Variants in ODF2 observed in about 807,000 individuals in gnomAD.
ODF2 encodes the protein outer dense fiber of sperm tails 2.
In ODF2, 47 loss-of-function variants were observed where a neutral mutation model predicts 110.2. The ratio of observed to expected loss-of-function variants is 0.43; its 90% CI spans 0.34 to 0.54. ODF2 has a LOEUF of 0.54. ODF2 is among the 20% of genes least tolerant of loss of function. The probability of loss-of-function intolerance (pLI) is 0.03; values close to 1 mark genes in which losing one functional copy is unlikely to be tolerated. For synonymous variants in ODF2, 352 were observed against 397.7 expected (o/e 0.89, Z 1.37); for missense variants, 812 against 1,054.5 (o/e 0.77, Z 3.19).
At position 128,471,238 on chromosome 9, in the gene ODF2, T is replaced by C. The variant is rs557798683; in HGVS notation, c.421-70T>C. ...CGGGGCCTTATTTTGGTCCAAAGCA[T>C]TGAGCCTAGCAATGTGGCATAGAGG... On this transcript the variant is annotated intron_variant, in intron 5 of 20. Coordinates refer to ENST00000604420, the Ensembl canonical transcript of ODF2. 35 of 1,476,450 alleles carry C rather than the reference T, an allele frequency of 2.4e-5. No individual in the cohort carries two copies. The East Asian group carries it at 8.6e-4, about 36-fold the overall frequency. 91.5% of individuals were successfully genotyped at this position (1,476,450 alleles called of 1,614,324 possible). A position where few individuals can be genotyped will look rare whatever the true frequency, so the allele number is the denominator to read the frequency against.
chr9:128,474,411 T>A (rs1047209598), intron 8 of ODF2, among the ~76,000 whole-genome samples: 1 of 152,046 alleles, frequency 6.6e-6, no homozygotes, highest in Non-Finnish European at 1.5e-5. Flanking sequence ...GAGAATTGCT[T>A]GAACCTGGGA....
chr9:128,460,513 A>T (rs1836157958), intron 3 of ODF2, 37 bp from the exon 3 acceptor site: 1 of 1,608,498 alleles, frequency 6.2e-7, no homozygotes, highest in African/African-American at 1.3e-5. Context: ...TCATCCACAG[A>T]TCAACCATTT....
intron 4 of ODF2, among the ~76,000 whole-genome samples, chr9:128,465,506 G>T (rs1474000117): frequency 6.6e-6 from 1 of 152,134 alleles, no homozygotes; most frequent in Non-Finnish European, 1.5e-5. Context: ...ACTTTGGGAG[G>T]CCAAGGCAGG....
At position 128,496,461 on chromosome 9, in the gene ODF2, T is replaced by G. The variant is rs984397857; in HGVS notation, c.2012+320T>G. On this transcript the variant is annotated intron_variant, in intron 18 of 20. Coordinates refer to ENST00000604420, the Ensembl canonical transcript of ODF2. ...TTTGAATGGAGCAGCCAGTATACTG[T>G]GGTGGGGGCACTTCCCCACTCTTTT... is the stretch of plus-strand genomic sequence containing the variant. 5.3e-5 allele frequency among the ~76,000 whole-genome samples: 8 copies of G among 152,162 alleles called. No individual in the cohort carries two copies. In the East Asian group the frequency reaches 1.5e-3, roughly 29 times the overall value.
At chr9:128,457,119 G>A in intron 1 of ODF2, 2 of 1,400,860 alleles carry the variant, frequency 1.4e-6, no homozygotes, top group East Asian at 6.7e-5. Context: ...TTTCCCTCGC[G>A]GTTCTGCCCC....
intron 8 of ODF2, among the ~76,000 whole-genome samples, chr9:128,480,938 A>G (rs1420610454): frequency 6.6e-6 from 1 of 152,210 alleles, no homozygotes; most frequent in Non-Finnish European, 1.5e-5. Flanking sequence ...CTCTTGATGC[A>G]GCAAAATGCT....
chr9:128,461,202 A>G (rs1471246501), intron 4 of ODF2, 135 bp downstream of exon 4: 1 of 1,102,532 alleles, frequency 9.1e-7, no homozygotes, highest in Admixed American at 2.6e-5. Flanking sequence ...GCCTTGCTAA[A>G]CCCTGAAACT....
At chr9:128,473,876 C>A in intron 8 of ODF2, 135 bp downstream of exon 8, 1 of 772,884 alleles carries the variant, frequency 1.3e-6, no homozygotes, top group Non-Finnish European at 2.0e-6. Flanking sequence ...TGAAATTGTT[C>A]ACATGAAGTG....
At chr9:128,457,721 T>C (rs1835274452) in intron 2 of ODF2, among the ~76,000 whole-genome samples, 1 of 152,172 alleles carries the variant, frequency 6.6e-6, no homozygotes, top group Non-Finnish European at 1.5e-5. Flanking sequence ...CAGAGCCTTT[T>C]TGAAGGGAGT....
chr9:128,456,818 C>T, intron 1 of ODF2: 1 of 1,167,734 alleles, frequency 8.6e-7, no homozygotes, highest in East Asian at 3.3e-5. Flanking sequence ...GAACTCTGTT[C>T]GGTTTTCCCT....
At chr9:128,460,695 T>G (rs1836218171) in intron 3 of ODF2, 29 bp downstream of exon 3, 2 of 1,613,186 alleles carry the variant, frequency 1.2e-6, no homozygotes, top group Middle Eastern at 1.7e-4. Flanking sequence ...GGCGAGGTAG[T>G]AGCTGTGGAT....
Position 128,494,296 on chromosome 9 carries a change from T to C in ODF2, c.1753-214T>C, listed in dbSNP as rs892684862. Reference sequence around the variant, plus strand: ...CTTGGTGTTTACTGTGTGGTTGCCATTGTTACGGGATAACTAAATGAATGG... The same window carrying C: ...CTTGGTGTTTACTGTGTGGTTGCCACTGTTACGGGATAACTAAATGAATGG... On this transcript the variant is annotated intron_variant, in intron 16 of 20. Transcript: ENST00000604420. This position sits in a 1 kb window ranked among gnomAD's most constrained non-coding sequence, Gnocchi z 4.6. Among the ~76,000 whole-genome samples, 1 of 152,208 alleles carries C rather than the reference T, an allele frequency of 6.6e-6. No individual in the cohort carries two copies. The highest frequency in any genetic ancestry group is 1.5e-5 in the Non-Finnish European group (1 of 68,036).
chr9:128,471,988 A>T (rs1320460082), intron 6 of ODF2, among the ~76,000 whole-genome samples: 1 of 151,912 alleles, frequency 6.6e-6, no homozygotes, highest in Non-Finnish European at 1.5e-5. Context: ...ATTTTATTTA[A>T]TTAATTTATT....
chr9:128,487,805 ACACACAC>A (rs1843688391), intron 13 of ODF2, 78 bp from the exon 14 acceptor site: 57 of 1,433,052 alleles, frequency 4.0e-5, no homozygotes, highest in African/African-American at 7.2e-5. Flanking sequence ...AACAAACAAA[ACACACAC>A]ACACACACAC....
Position 128,485,285 on chromosome 9 carries a change from C to G in ODF2, c.1291-80C>G. ...TTAGGTTACCAGGGTGAGAAACCAC[C>G]TAGGATGAGCCCGCTCCCAGCTCCT... On this transcript the variant is annotated intron_variant, in intron 12 of 20. Transcript: ENST00000604420. The surrounding 1 kb of genome is among the most constrained non-coding windows in gnomAD (Gnocchi z 5.0). The G allele has an allele frequency of 1.3e-6, 1 of 755,852 alleles. No homozygotes were observed. The highest frequency in any genetic ancestry group is 1.6e-5 in the South Asian group (1 of 63,160). 46.8% of individuals were successfully genotyped at this position (755,852 alleles called of 1,614,324 possible).
intron 14 of ODF2, among the ~76,000 whole-genome samples, chr9:128,489,270 T>C (rs1844047982): frequency 6.6e-6 from 1 of 152,228 alleles, no homozygotes; most frequent in Non-Finnish European, 1.5e-5. Context: ...TTTTCACTGA[T>C]TTTGTTTTTT....
At chr9:128,475,537 A>C (rs1288818505) in intron 8 of ODF2, among the ~76,000 whole-genome samples, 1 of 152,192 alleles carries the variant, frequency 6.6e-6, no homozygotes, top group Non-Finnish European at 1.5e-5. Context: ...CACCATGTTG[A>C]ACAATTTCTC....
rs910463768 is a variant in ODF2, at chr9:128,485,920, G to A, written c.1400+446G>A. The stretch of plus-strand genomic sequence containing the variant: ...TGCCAGTCAGTAGGTCAGTGGTATG[G>A]CATGGGAGTAGGGGGCAAAAGTGGC... On this transcript the variant is annotated intron_variant, in intron 13 of 20. Transcript: ENST00000604420. The surrounding 1 kb of genome is among the most constrained non-coding windows in gnomAD (Gnocchi z 5.0). 1.3e-5 allele frequency among the ~76,000 whole-genome samples: 2 copies of A among 152,194 alleles called. No homozygotes were observed. The highest frequency in any genetic ancestry group is 2.4e-5 in the African/African-American group (1 of 41,446).
chr9:128,492,011 GC>G (rs895064569), intron 14 of ODF2, among the ~76,000 whole-genome samples: 1 of 151,664 alleles, frequency 6.6e-6, no homozygotes, highest in Admixed American at 6.6e-5. Flanking sequence ...GACTACAGGC[GC>G]CCGCCACCAC....
Sources: gnomAD v4.1 joint callset for allele counts (sites outside exome capture counted in the v4.1 genomes callset) on GRCh38, gnomAD v4.1.1 for gene constraint, Gnocchi (gnomAD v3.1) non-coding constraint, MANE v1.5 for transcripts, NCBI Gene and HGNC (gene_info 2026-07-23, HGNC 2026-07-21) for gene names.